The following PDE4D variants were observed in gnomAD, a reference collection of about 807,000 sequenced individuals.
The protein encoded by PDE4D is 3',5'-cyclic-AMP phosphodiesterase 4D.
In PDE4D, 24 loss-of-function variants were observed where a neutral mutation model predicts 87.4. The ratio of observed to expected loss-of-function variants is 0.27; its 90% CI spans 0.20 to 0.39. PDE4D has a LOEUF of 0.39. Among genes scored for constraint, PDE4D ranks in the 10% least tolerant of loss-of-function variants. The pLI, the probability that PDE4D is intolerant of heterozygous loss-of-function variation, is 1.00. For synonymous variants in PDE4D, 384 were observed against 383.2 expected (o/e 1.00, Z -0.02); for missense variants, 714 against 1,041.0 (o/e 0.69, Z 4.32).
chr5:59,859,083 T>C (rs1745887724), intron 1 of PDE4D, among the ~76,000 whole-genome samples: 1 of 152,226 alleles, frequency 6.6e-6, no homozygotes, highest in African/African-American at 2.4e-5. Context: ...TTTGTTTAAA[T>C]TGATAGCCAT....
At chr5:59,156,331 ATGTGTG>A (rs60467130) in intron 5 of PDE4D, among the ~76,000 whole-genome samples, 3,285 of 122,624 alleles carry the variant, frequency 0.027, 123 homozygotes, top group African/African-American at 0.068. Context: ...ATATATATAT[ATGTGTG>A]TGTGTGTGTG....
intron 2 of PDE4D, among the ~76,000 whole-genome samples, chr5:60,073,941 A>C (rs1400076843): frequency 2.0e-5 from 3 of 151,982 alleles, no homozygotes; most frequent in Admixed American, 2.0e-4. Flanking sequence ...TCTAGCTAGC[A>C]GTCCATCTGT....
intron 1 of PDE4D, among the ~76,000 whole-genome samples, chr5:59,533,721 C>T (rs936104731): frequency 1.3e-5 from 2 of 152,156 alleles, no homozygotes; most frequent in Non-Finnish European, 2.9e-5. Flanking sequence ...AAATTGGAGG[C>T]TGTACCACAG....
intron 1 of PDE4D, among the ~76,000 whole-genome samples, chr5:59,322,804 G>A (rs1481409561): frequency 1.3e-5 from 2 of 152,022 alleles, no homozygotes; most frequent in African/African-American, 4.8e-5. Flanking sequence ...ACAAGGACAC[G>A]CCCTGGGAGA....
intron 1 of PDE4D, among the ~76,000 whole-genome samples, chr5:60,374,858 GA>G (rs1467333827): frequency 6.6e-6 from 1 of 152,026 alleles, no homozygotes; most frequent in Non-Finnish European, 1.5e-5. Flanking sequence ...AAAAATCGGT[GA>G]AATATGCACA....
chr5:59,329,854 G>A (rs565298785), intron 1 of PDE4D, among the ~76,000 whole-genome samples: 1 of 152,138 alleles, frequency 6.6e-6, no homozygotes, highest in African/African-American at 2.4e-5. Context: ...TTTATCTATA[G>A]TCAAAACAGT....
chr5:59,171,604 C>T (rs549979981), intron 5 of PDE4D, among the ~76,000 whole-genome samples: 1 of 151,864 alleles, frequency 6.6e-6, no homozygotes, highest in African/African-American at 2.4e-5. Context: ...TTACTGTTCC[C>T]AGTCCCCTGA....
intron 1 of PDE4D, among the ~76,000 whole-genome samples, chr5:59,636,218 A>G (rs1291514182): frequency 6.6e-6 from 1 of 152,192 alleles, no homozygotes; most frequent in African/African-American, 2.4e-5. Flanking sequence ...ACCACTGCCC[A>G]AGGAAATAAG....
chr5:60,516,075 C>A (rs546582719), intron 1 of PDE4D, among the ~76,000 whole-genome samples: 11 of 152,216 alleles, frequency 7.2e-5, no homozygotes, highest in Non-Finnish European at 1.6e-4. Flanking sequence ...TATACCATTT[C>A]ACTTGTGCTC....
chr5:59,403,094 T>G (rs1046979759), intron 1 of PDE4D, among the ~76,000 whole-genome samples: 1 of 141,574 alleles, frequency 7.1e-6, no homozygotes, highest in Non-Finnish European at 1.6e-5. Flanking sequence ...CTCCAAAACA[T>G]AATTTTTTAA....
chr5:59,450,483 A>C (rs1275486118), intron 1 of PDE4D, among the ~76,000 whole-genome samples: 14 of 152,216 alleles, frequency 9.2e-5, no homozygotes, highest in Non-Finnish European at 2.1e-4. Flanking sequence ...AAGAGGTTTC[A>C]CAGCATAAAG....
chr5:59,005,587 T>C (rs1751440755), intron 6 of PDE4D, among the ~76,000 whole-genome samples: 1 of 152,206 alleles, frequency 6.6e-6, no homozygotes, highest in Non-Finnish European at 1.5e-5. Flanking sequence ...GCCAGAGAGA[T>C]ACAATTCTTA....
intron 1 of PDE4D, among the ~76,000 whole-genome samples, chr5:59,259,920 T>C (rs1419662062): frequency 6.6e-6 from 1 of 151,824 alleles, no homozygotes; most frequent in African/African-American, 2.4e-5. Context: ...CAGGATGTTA[T>C]ACTAAATTAG....
Position 60,501,450 on chromosome 5 carries a change from G to A in PDE4D, n.70+20601C>T, listed in dbSNP as rs904238154. Among the ~76,000 whole-genome samples the A allele has an allele frequency of 2.8e-4, 42 of 151,788 alleles. 1 individual carries two copies. The highest frequency in any genetic ancestry group is 7.3e-4 in the African/African-American group (30 of 41,354). ...AGTCTTTGCTATTGTGAATAGAGCC[G>A]CAATAAACATACGTGTGCATGTGTC... On this transcript the variant is annotated intron_variant and non_coding_transcript_variant, in intron 1 of 2. Coordinates refer to the PDE4D transcript ENST00000506510.
intron 1 of PDE4D, among the ~76,000 whole-genome samples, chr5:59,340,235 T>G (rs956036275): frequency 6.6e-6 from 1 of 152,238 alleles, no homozygotes; most frequent in Admixed American, 6.5e-5. Context: ...TTAATAATTT[T>G]CTTAGCTGTT....
At chr5:60,045,644 C>G (rs1174436623) in intron 2 of PDE4D, among the ~76,000 whole-genome samples, 2 of 152,126 alleles carry the variant, frequency 1.3e-5, no homozygotes, top group Non-Finnish European at 2.9e-5. Context: ...GCTTGTTTTT[C>G]TCAGGTTTGA....
chr5:59,032,817 C>T (rs1195162621), intron 6 of PDE4D, among the ~76,000 whole-genome samples: 1 of 152,110 alleles, frequency 6.6e-6, no homozygotes, highest in Non-Finnish European at 1.5e-5. Flanking sequence ...CTAATGGTCT[C>T]AATAACTTTT....
chr5:59,821,607 T>TTCTAATAGTTTTTG (rs1329491178), intron 1 of PDE4D, among the ~76,000 whole-genome samples: 1 of 152,214 alleles, frequency 6.6e-6, no homozygotes, highest in Non-Finnish European at 1.5e-5. Flanking sequence ...TTCCTTACAT[T>TTCTAATAGTTTTTG]TCTAATAGTT....
chr5:60,130,538 T>C (rs1013792477), intron 2 of PDE4D, among the ~76,000 whole-genome samples: 1 of 152,166 alleles, frequency 6.6e-6, no homozygotes, highest in Non-Finnish European at 1.5e-5. Context: ...TTTTATTTGC[T>C]TTCCCATGAA....
Sources: gnomAD v4.1 joint callset for allele counts (sites outside exome capture counted in the v4.1 genomes callset) on GRCh38, gnomAD v4.1.1 for gene constraint, MANE v1.5 for transcripts, NCBI Gene and HGNC (gene_info 2026-07-23, HGNC 2026-07-21) for gene names.